FRY: variants seen among roughly 807,000 people sequenced by gnomAD.
FRY encodes the protein FRY microtubule binding protein.
Under a neutral mutation model 348.4 loss-of-function variants are expected in FRY, and 128 were observed. The ratio of observed to expected loss-of-function variants is 0.37; its 90% CI spans 0.32 to 0.43. The LOEUF (loss-of-function observed/expected upper bound fraction) is 0.43, where lower values mean the gene tolerates loss of function less well. FRY is among the 20% of genes least tolerant of loss of function. The pLI is 1.00. For missense variants in FRY, 2,736 were observed against 3,695.2 expected (o/e 0.74, Z 6.73); for synonymous variants, 1,370 against 1,374.7 (o/e 1.00, Z 0.08).
At chr13:32,069,712 C>T (rs1221526256) in intron 1 of FRY, among the ~76,000 whole-genome samples, 1 of 152,058 alleles carries the variant, frequency 6.6e-6, no homozygotes, top group African/African-American at 2.4e-5. Context: ...TTGCATGATT[C>T]CACTAATTTT....
Position 32,032,027 on chromosome 13 carries a change from C to CTTTCTTTCTTTCTTTCTTTCTT in FRY, c.70+181_70+182insCTTTTTCTTTCTTTCTTTCTTT, listed in dbSNP as rs1566038100. Among the ~76,000 whole-genome samples, 634 of 71,574 alleles carry CTTTCTTTCTTTCTTTCTTTCTT rather than the reference C, an allele frequency of 8.9e-3. 1 individual carries two copies. The highest frequency in any genetic ancestry group is 0.025 in the African/African-American group (589 of 23,450). The allele number at this position is 71,574 out of a possible 152,430, so 47.0% of individuals were successfully genotyped here. On this transcript the variant is annotated intron_variant, in intron 1 of 60. Transcript: ENST00000542859. Reference sequence around the variant, plus strand: ...TTTCTTTCTTTCTTTCTTTCTTTTTCTTTCTTTCTTTCTTTCTTTTTTTGC... The same window carrying CTTTCTTTCTTTCTTTCTTTCTT: ...TTTCTTTCTTTCTTTCTTTCTTTTTCTTTCTTTCTTTCTTTCTTTCTTTTTCTTTCTTTCTTTCTTTTTTTGC...
chr13:32,086,530 T>C lies in FRY; in HGVS notation c.270+7497T>C, dbSNP rs373930611. 2.0e-5 allele frequency among the ~76,000 whole-genome samples: 3 copies of C among 152,140 alleles called. No homozygotes were observed. The South Asian group carries it at 6.2e-4, about 32-fold the overall frequency. On this transcript the variant is annotated intron_variant, in intron 2 of 60. Coordinates refer to ENST00000542859, the MANE Select transcript of FRY (RefSeq NM_023037.3). ...TTAGTGAGTCTGTCCAGGTTTAATCTCCCATTGTCCCTTCCAGGAGCTGCA... is the reference window on the plus strand; with the variant it reads ...TTAGTGAGTCTGTCCAGGTTTAATCCCCCATTGTCCCTTCCAGGAGCTGCA...
intron 36 of FRY, among the ~76,000 whole-genome samples, chr13:32,219,577 T>G (rs1219785549): frequency 1.4e-5 from 2 of 146,566 alleles, no homozygotes; most frequent in African/African-American, 2.5e-5. Flanking sequence ...GCTAACACGG[T>G]GAAACCCCAT....
chr13:32,103,129 C>G (rs1005766148), intron 3 of FRY, among the ~76,000 whole-genome samples: 2 of 152,322 alleles, frequency 1.3e-5, no homozygotes, highest in African/African-American at 4.8e-5. Flanking sequence ...TCACAGCCAG[C>G]CCTGCAACGG....
At chr13:32,163,193 G>A (rs7320780) in intron 17 of FRY, among the ~76,000 whole-genome samples, 13 of 152,278 alleles carry the variant, frequency 8.5e-5, no homozygotes, top group African/African-American at 3.1e-4. Context: ...ACCAGGAGAC[G>A]TGTATTTCCC....
chr13:32,255,209 G>A (rs189684405), intron 51 of FRY, among the ~76,000 whole-genome samples: 18 of 152,178 alleles, frequency 1.2e-4, no homozygotes, highest in Non-Finnish European at 2.2e-4. Flanking sequence ...GTTCGGAACC[G>A]GGCTCATGGT....
intron 51 of FRY, among the ~76,000 whole-genome samples, chr13:32,255,012 AT>A (rs1887262408): frequency 6.6e-6 from 1 of 152,218 alleles, no homozygotes; most frequent in Admixed American, 6.5e-5. Flanking sequence ...GATGATAATC[AT>A]GGTAATAAGA....
intron 20 of FRY, 63 bp from the exon 21 acceptor site, chr13:32,178,114 C>T: frequency 6.4e-7 from 1 of 1,573,128 alleles, no homozygotes; most frequent in East Asian, 2.2e-5. Flanking sequence ...TCAGGCTGAG[C>T]CTTGATGAGG....
intron 2 of FRY, among the ~76,000 whole-genome samples, chr13:32,093,841 A>G (rs1397164267): frequency 2.6e-5 from 4 of 152,240 alleles, no homozygotes; most frequent in Non-Finnish European, 4.4e-5. Flanking sequence ...ATGCTTTTTC[A>G]GAATGATTTT....
intron 2 of FRY, among the ~76,000 whole-genome samples, chr13:32,095,565 G>A (rs1035372566): frequency 2.4e-4 from 37 of 151,970 alleles, no homozygotes; most frequent in African/African-American, 8.0e-4. Context: ...GCCTGGTCTC[G>A]AACTCCTGAC....
intron 60 of FRY, 41 bp downstream of exon 60, chr13:32,294,611 C>A: frequency 7.0e-7 from 1 of 1,419,044 alleles, no homozygotes; most frequent in Non-Finnish European, 1.0e-6. Context: ...GCAGGAAATG[C>A]ACACCTGGTT....
intron 1 of FRY, among the ~76,000 whole-genome samples, chr13:32,032,478 C>A (rs1169169713): frequency 6.6e-6 from 1 of 152,078 alleles, no homozygotes; most frequent in African/African-American, 2.4e-5. Context: ...TTTAAAAATC[C>A]TGATGTTTGC....
intron 47 of FRY, among the ~76,000 whole-genome samples, chr13:32,245,198 C>T (rs1312289775): frequency 1.3e-5 from 2 of 152,066 alleles, no homozygotes; most frequent in African/African-American, 2.4e-5. Context: ...TCCACCGCCT[C>T]GGCCTCCCAA....
chr13:32,282,156 T>C (rs1342782453), intron 58 of FRY, among the ~76,000 whole-genome samples: 1 of 152,194 alleles, frequency 6.6e-6, no homozygotes, highest in African/African-American at 2.4e-5. Flanking sequence ...AGCTACCATT[T>C]GGCCTCCAAC....
At chr13:32,234,473 T>G (rs1886111422) in intron 41 of FRY, 101 bp from the exon 42 acceptor site, 2 of 986,032 alleles carry the variant, frequency 2.0e-6, no homozygotes, top group Non-Finnish European at 3.3e-6. Context: ...CACTACAAGG[T>G]AGCCCTGTGC....
chr13:32,055,089 C>G (rs1161892681), intron 1 of FRY, among the ~76,000 whole-genome samples: 1 of 151,946 alleles, frequency 6.6e-6, no homozygotes, highest in Non-Finnish European at 1.5e-5. Flanking sequence ...TTGTGTCGCC[C>G]AGGCTGGAGT....
At chr13:32,153,048 C>T (rs187657156) in intron 14 of FRY, among the ~76,000 whole-genome samples, 1 of 152,224 alleles carries the variant, frequency 6.6e-6, no homozygotes, top group East Asian at 1.9e-4. Flanking sequence ...AAAACCGAAA[C>T]GAGATGTACT....
At chr13:32,118,718 A>G (rs1399988846) in intron 4 of FRY, among the ~76,000 whole-genome samples, 1 of 152,150 alleles carries the variant, frequency 6.6e-6, no homozygotes, top group East Asian at 1.9e-4. Context: ...GAACATTTTT[A>G]TCACCCCCAA....
intron 38 of FRY, 71 bp downstream of exon 38, chr13:32,225,107 C>T (rs1226710977): frequency 3.4e-6 from 3 of 879,792 alleles, no homozygotes. Context: ...GTAGAGATTT[C>T]CTTTCACATT....
Sources: allele counts gnomAD v4.1 joint callset (sites outside exome capture counted in the v4.1 genomes callset), GRCh38; gene constraint gnomAD v4.1.1; transcripts MANE v1.5; gene names NCBI Gene and HGNC (gene_info 2026-07-23, HGNC 2026-07-21).